UNC5B: variants seen among roughly 807,000 people sequenced by gnomAD.
The protein encoded by UNC5B is netrin receptor UNC5B.
In UNC5B, 56 loss-of-function variants were observed where a neutral mutation model predicts 103.7. The observed-to-expected ratio is 0.54, with a 90% confidence interval of 0.44 to 0.67. The LOEUF is 0.67. Ranked by LOEUF, UNC5B falls within the 30% of genes least tolerant of loss-of-function variation. The pLI, the probability that UNC5B is intolerant of heterozygous loss-of-function variation, is 0.00. For missense variants in UNC5B, 1,194 were observed against 1,284.5 expected, an observed-to-expected ratio of 0.93 and a Z score of 1.08; for synonymous variants, 577 against 542.0, an observed-to-expected ratio of 1.06 and a Z score of -0.90.
At chr10:71,286,525 G>A (rs1037413214) in intron 4 of UNC5B, among the ~76,000 whole-genome samples, 164 bp from the exon 5 acceptor site, 3 of 152,126 alleles carry the variant, frequency 2.0e-5, no homozygotes, top group Non-Finnish European at 4.4e-5. Context: ...GCTGGCAAAT[G>A]GTGCTCTTAA....
At chr10:71,299,007 A>G in intron 16 of UNC5B, 105 bp from the exon 17 acceptor site, 1 of 1,460,156 alleles carries the variant, frequency 6.8e-7, no homozygotes, top group Admixed American at 1.8e-5. Context: ...ACAGTGGGAC[A>G]CCAAAGCTCA....
At chr10:71,216,970 G>T (rs1169899966) in intron 1 of UNC5B, among the ~76,000 whole-genome samples, 1 of 152,238 alleles carries the variant, frequency 6.6e-6, no homozygotes, top group Middle Eastern at 3.2e-3. Flanking sequence ...CAGTTTGGAG[G>T]CCACTGCCGC....
intron 2 of UNC5B, among the ~76,000 whole-genome samples, chr10:71,281,272 A>G (rs745551177): frequency 3.3e-5 from 5 of 152,216 alleles, no homozygotes; most frequent in Non-Finnish European, 5.9e-5. Flanking sequence ...TTTTACCACA[A>G]TTTAAACATA....
In UNC5B at chr10:71,295,822, G is replaced by A; in HGVS notation, c.2187G>A (p.Glu729=). ...CCCCTGGCCCACAGGAGGTGCTGGA[G>A]CTGGAGCGGACTCTGGGCGGATACT... ...DTPVALKEVL[E]LERTLGGYLV... Residue 729 remains glutamate, a synonymous_variant, in exon 14 of 17, where the codon GAG becomes GAA. Coordinates refer to ENST00000335350, the MANE Select transcript of UNC5B (RefSeq NM_170744.5). The A allele has an allele frequency of 1.2e-6, 2 of 1,612,414 alleles. No individual in the cohort carries two copies. The highest frequency in any genetic ancestry group is 8.5e-7 in the Non-Finnish European group (1 of 1,179,822).
intron 3 of UNC5B, 88 bp downstream of exon 3, chr10:71,284,951 C>T (rs1413679386): frequency 2.9e-5 from 43 of 1,501,784 alleles, no homozygotes; most frequent in Non-Finnish European, 3.7e-5. Flanking sequence ...TCTGTGGGGC[C>T]TCCTCCAGCA....
intron 15 of UNC5B, among the ~76,000 whole-genome samples, chr10:71,297,694 A>C (rs1845476700): frequency 1.3e-5 from 2 of 152,228 alleles, no homozygotes; most frequent in Admixed American, 1.3e-4. Context: ...TTAGGTAAGC[A>C]TGGTGCACCC....
rs1325622459 is a variant in UNC5B at position 71,213,937 on chromosome 10, T to A, written c.79+873T>A. Among the ~76,000 whole-genome samples the A allele has an allele frequency of 6.6e-6, 1 of 151,728 alleles. No homozygotes were observed. The highest frequency in any genetic ancestry group is 2.4e-5 in the African/African-American group (1 of 41,280). On this transcript the variant is annotated intron_variant, in intron 1 of 16. Coordinates refer to ENST00000335350, the MANE Select transcript of UNC5B (RefSeq NM_170744.5). The surrounding 1 kb of genome is among the most constrained non-coding windows in gnomAD (Gnocchi z 4.1). ...GGCTCCGAAATAAAGTCCCTAACCC[T>A]CCTCTCTCGCCGTGGATGAATACGT...
At chr10:71,254,287 G>C (rs1172445230) in intron 1 of UNC5B, among the ~76,000 whole-genome samples, 3 of 152,210 alleles carry the variant, frequency 2.0e-5, no homozygotes, top group African/African-American at 2.4e-5. Context: ...GAAAGGGCTC[G>C]TGGTAATTGT....
intron 14 of UNC5B, 22 bp from the exon 15 acceptor site, chr10:71,296,556 T>C: frequency 6.2e-7 from 1 of 1,612,552 alleles, no homozygotes; most frequent in Non-Finnish European, 8.5e-7. Flanking sequence ...GCCTGCCTGG[T>C]CCTGACCCCC....
chr10:71,296,700 AG>A lies in UNC5B; in HGVS notation c.2452del (p.Glu818ArgfsTer53), dbSNP rs755872290. ...TCKICVRQVE[G>X]EGQIFQLHTT... is the part of the protein sequence containing the mutation. ...GCAAGATCTGCGTGCGGCAAGTGGAAGGGGAGGGCCAGATATTCCAGCTGCA... is the reference window on the plus strand; with the variant it reads ...GCAAGATCTGCGTGCGGCAAGTGGAAGGGAGGGCCAGATATTCCAGCTGCA... On this transcript the variant is annotated frameshift_variant, in exon 15 of 17. Coordinates refer to ENST00000335350, the MANE Select transcript of UNC5B (RefSeq NM_170744.5). LOFTEE classifies it high-confidence loss of function. The A allele has an allele frequency of 8.7e-6, 14 of 1,614,132 alleles. No homozygotes were observed. Among genetic ancestry groups the A allele is most frequent in the South Asian group, 2.2e-5 (2 of 91,088 alleles).
chr10:71,227,599 C>CATGTATAT (rs1564706887), intron 1 of UNC5B, among the ~76,000 whole-genome samples: 6 of 142,332 alleles, frequency 4.2e-5, no homozygotes, highest in African/African-American at 1.3e-4. Flanking sequence ...ATTTTGTATA[C>CATGTATAT]ATACATATAT....
At chr10:71,268,814 C>A (rs1472706332) in intron 1 of UNC5B, among the ~76,000 whole-genome samples, 1 of 152,214 alleles carries the variant, frequency 6.6e-6, no homozygotes, top group Non-Finnish European at 1.5e-5. Context: ...CAAGACTGTA[C>A]CAAGGCATTT....
chr10:71,225,043 G>A (rs1478588941), intron 1 of UNC5B, among the ~76,000 whole-genome samples: 1 of 152,136 alleles, frequency 6.6e-6, no homozygotes, highest in African/African-American at 2.4e-5. Flanking sequence ...ATACACATTT[G>A]GGAGAGCCTG....
In UNC5B at chr10:71,298,044, C is replaced by T. The variant is rs533188246; in HGVS notation, c.2626C>T (p.Arg876Trp). The T allele has an allele frequency of 9.7e-5, 157 of 1,613,564 alleles. 1 individual carries two copies. In the South Asian group the frequency reaches 1.3e-3, roughly 14 times the overall value. ...CAACAGCCTAGATGCCCCCAACTCACGGGGCAATGACTGGCGGATGTTAGC... is the reference window on the plus strand; with the variant it reads ...CAACAGCCTAGATGCCCCCAACTCATGGGGCAATGACTGGCGGATGTTAGC... ...ICNSLDAPNS[R>W]GNDWRMLAQK... The change falls in exon 16 of 17, where the codon CGG (arginine) becomes TGG (tryptophan). Residue 876 changes from arginine (R) to tryptophan (W), a missense_variant. Arg to Trp is a moderately radical substitution (Grantham distance 101). Coordinates refer to ENST00000335350, the MANE Select transcript of UNC5B (RefSeq NM_170744.5).
intron 8 of UNC5B, among the ~76,000 whole-genome samples, chr10:71,289,702 A>G (rs1408279098): frequency 6.6e-6 from 1 of 152,238 alleles, no homozygotes; most frequent in Non-Finnish European, 1.5e-5. Flanking sequence ...CCCCAGTGTC[A>G]GTGAAGGCAT....
In UNC5B at chr10:71,288,583, C is replaced by T. The variant is rs780005887; in HGVS notation, c.917C>T (p.Thr306Met). The T allele has an allele frequency of 1.7e-5, 28 of 1,613,598 alleles. No individual in the cohort carries two copies. Among genetic ancestry groups the T allele is most frequent in the South Asian group, 7.7e-5 (7 of 91,032 alleles). The change falls in exon 7 of 17, where the codon ACG becomes ATG. Residue 306 changes from threonine to methionine, a missense_variant. Thr to Met is a moderately conservative substitution (Grantham distance 81, BLOSUM62 -1). Coordinates refer to ENST00000335350, the MANE Select transcript of UNC5B (RefSeq NM_170744.5). ...GCTCTTACAGTCGATGGGGCGTGGA[C>T]GGAGTGGAGCAAGTGGTCAGCCTGC... is the stretch of plus-strand genomic sequence containing the variant. ...TTICPVDGAW[T>M]EWSKWSACST...
In UNC5B at chr10:71,288,688, C is replaced by A. The variant is rs34304718; in HGVS notation, c.1022C>A (p.Thr341Lys). The A allele has an allele frequency of 3.1e-6, 5 of 1,612,888 alleles. No individual in the cohort carries two copies. Among genetic ancestry groups the A allele is most frequent in the Non-Finnish European group, 3.4e-6 (4 of 1,179,650 alleles). ...AACGGAGGCCGTGACTGCAGCGGGA[C>A]GCTGCTCGACTCTAAGAACTGCACA... ...PQNGGRDCSG[T>K]LLDSKNCTDG... Residue 341 changes from threonine (T) to lysine (K), a missense_variant, in exon 7 of 17, where the codon ACG becomes AAG. Physicochemically the swap from Thr to Lys is moderately conservative, Grantham distance 78 (BLOSUM62 -1). Coordinates refer to ENST00000335350, the MANE Select transcript of UNC5B (RefSeq NM_170744.5).
intron 2 of UNC5B, among the ~76,000 whole-genome samples, chr10:71,282,046 G>A (rs1302540854): frequency 6.6e-6 from 1 of 151,818 alleles, no homozygotes; most frequent in African/African-American, 2.4e-5. Context: ...ATAACCCTGT[G>A]ATTATTACTA....
intron 1 of UNC5B, among the ~76,000 whole-genome samples, chr10:71,240,192 C>A (rs1475484044): frequency 6.6e-6 from 1 of 152,382 alleles, no homozygotes; most frequent in South Asian, 2.1e-4. Flanking sequence ...CCCCTCCCCC[C>A]ATGGGCATGC....
Sources: gnomAD v4.1 joint callset for allele counts (sites outside exome capture counted in the v4.1 genomes callset) on GRCh38, gnomAD v4.1.1 for gene constraint, Gnocchi (gnomAD v3.1) non-coding constraint, MANE v1.5 for transcripts, NCBI Gene and HGNC (gene_info 2026-07-23, HGNC 2026-07-21) for gene names.